NAALADL2: variants seen among roughly 807,000 people sequenced by gnomAD.
The protein encoded by NAALADL2 is inactive N-acetylated-alpha-linked acidic dipeptidase-like protein 2.
A neutral mutation model predicts 87.2 loss-of-function variants in NAALADL2; 76 were observed. The observed-to-expected ratio is 0.87, with a 90% CI of 0.72 to 1.05. NAALADL2 has a LOEUF of 1.05. Among genes scored for constraint, NAALADL2 ranks in the 50% least tolerant of loss-of-function variants. NAALADL2 has a pLI of 0.00. For missense variants in NAALADL2, 1,089 were observed against 945.8 expected (o/e 1.15, Z -1.99); for synonymous variants, 354 against 331.0 (o/e 1.07, Z -0.75).
chr3:174,608,975 G>T (rs1719454526), intron 2 of NAALADL2, among the ~76,000 whole-genome samples: 1 of 151,246 alleles, frequency 6.6e-6, no homozygotes, highest in Non-Finnish European at 1.5e-5. Context: ...ATGATCAAGT[G>T]GGCTTCATCC....
Position 175,199,860 on chromosome 3 carries a change from A to T in NAALADL2, c.546-34071A>T, listed in dbSNP as rs28566121. Reference sequence around the variant, plus strand: ...TATATATATATATATATATATATATATATATTTTTTTTTTTTTTTTTTTTT... The same window carrying T: ...TATATATATATATATATATATATATTTATATTTTTTTTTTTTTTTTTTTTT... On this transcript the variant is annotated intron_variant, in intron 2 of 13. Transcript: ENST00000454872. Among the ~76,000 whole-genome samples, 62 of 15,868 alleles carry T rather than the reference A, an allele frequency of 3.9e-3. 2 individuals carry two copies. The highest frequency in any genetic ancestry group is 6.1e-3 in the South Asian group (2 of 328). The allele number at this position is 15,868 out of a possible 152,430, so 10.4% of individuals were successfully genotyped here.
chr3:175,181,549 A>T (rs1428110687), intron 2 of NAALADL2, among the ~76,000 whole-genome samples: 1 of 151,428 alleles, frequency 6.6e-6, no homozygotes, highest in African/African-American at 2.4e-5. Flanking sequence ...TTTCACATGT[A>T]AGTGACAACA....
At chr3:175,732,113 T>C (rs1743848053) in intron 11 of NAALADL2, among the ~76,000 whole-genome samples, 1 of 152,102 alleles carries the variant, frequency 6.6e-6, no homozygotes, top group African/African-American at 2.4e-5. Context: ...GTAATCAGAG[T>C]AGGCAGTTTC....
At chr3:175,249,897 A>AGTG (rs1748701376) in intron 3 of NAALADL2, among the ~76,000 whole-genome samples, 1 of 152,110 alleles carries the variant, frequency 6.6e-6, no homozygotes, top group African/African-American at 2.4e-5. Context: ...TGCCGGGTGC[A>AGTG]GTGGCTCACG....
intron 9 of NAALADL2, among the ~76,000 whole-genome samples, chr3:175,540,238 A>G (rs6443309): frequency 1.3e-5 from 2 of 152,170 alleles, no homozygotes; most frequent in Non-Finnish European, 2.9e-5. Flanking sequence ...GTCATCAAGA[A>G]AGATCTTTCT....
chr3:175,006,132 A>G lies in NAALADL2; in HGVS notation c.44-90658A>G, dbSNP rs372081868. Among the ~76,000 whole-genome samples the G allele has an allele frequency of 4.9e-4, 75 of 152,202 alleles. 1 individual carries two copies. Among genetic ancestry groups the G allele is most frequent in the African/African-American group, 1.7e-3 (69 of 41,546 alleles). ...ACCTGGAATGCCTTTTCCCTTGACT[A>G]GGCCTGTTTGAGACCTTGAAGCTCT... On this transcript the variant is annotated intron_variant, in intron 1 of 13. Coordinates refer to ENST00000454872, the MANE Select transcript of NAALADL2 (RefSeq NM_207015.3).
rs1463210577 is a variant in NAALADL2 at position 175,806,712 on chromosome 3, T to TTTAA, written c.*3512_*3515dup. 4 of 141,806 alleles carry TTTAA rather than the reference T, an allele frequency of 2.8e-5. No individual in the cohort carries two copies. Among genetic ancestry groups the TTTAA allele is most frequent in the Non-Finnish European group, 6.1e-5 (4 of 65,796 alleles). 8.8% of individuals were successfully genotyped at this position (141,806 alleles called of 1,614,324 possible). ...ATCCTTTTTTTTTTTTTTTTTTTTT[T>TTTAA]TTAATTCCCACAACAACCCATTTCA... On this transcript the variant is annotated 3_prime_UTR_variant, in exon 14 of 14. Transcript: ENST00000454872.
chr3:175,160,000 C>CTT (rs58734561), intron 2 of NAALADL2, among the ~76,000 whole-genome samples: 2 of 134,120 alleles, frequency 1.5e-5, no homozygotes, highest in African/African-American at 5.3e-5. Context: ...CCACTCGTGA[C>CTT]TTTTTTTTTT....
chr3:175,488,962 G>A (rs1727685701), intron 9 of NAALADL2, among the ~76,000 whole-genome samples: 1 of 152,140 alleles, frequency 6.6e-6, no homozygotes, highest in African/African-American at 2.4e-5. Context: ...GGATTTCCCT[G>A]TGGATGGCAG....
chr3:174,955,782 A>C (rs368653637), intron 1 of NAALADL2, among the ~76,000 whole-genome samples: 15 of 152,216 alleles, frequency 9.9e-5, no homozygotes, highest in South Asian at 6.2e-4. Flanking sequence ...ACTTTTTAAA[A>C]GACAGATGAT....
chr3:174,720,753 A>G (rs947264127), intron 2 of NAALADL2, among the ~76,000 whole-genome samples: 2 of 152,292 alleles, frequency 1.3e-5, no homozygotes, highest in Admixed American at 6.5e-5. Flanking sequence ...TTTACAATCC[A>G]TTTAAAACAT....
intron 11 of NAALADL2, among the ~76,000 whole-genome samples, chr3:175,710,233 A>C (rs1412882845): frequency 6.6e-6 from 1 of 152,022 alleles, no homozygotes; most frequent in Non-Finnish European, 1.5e-5. Context: ...ACATGGAAAG[A>C]GCAGGAAAGT....
At chr3:175,159,887 G>T (rs1178883363) in intron 2 of NAALADL2, among the ~76,000 whole-genome samples, 2 of 150,598 alleles carry the variant, frequency 1.3e-5, no homozygotes, top group African/African-American at 4.9e-5. Flanking sequence ...CCCAGGCTGG[G>T]GTGCAGTGGC....
At chr3:174,651,556 A>C (rs1724365815) in intron 2 of NAALADL2, among the ~76,000 whole-genome samples, 1 of 152,210 alleles carries the variant, frequency 6.6e-6, no homozygotes, top group African/African-American at 2.4e-5. Context: ...AAAAACAATA[A>C]CTTAGGCTTT....
intron 10 of NAALADL2, among the ~76,000 whole-genome samples, chr3:175,596,661 T>C (rs1722283313): frequency 6.6e-6 from 1 of 151,952 alleles, no homozygotes; most frequent in South Asian, 2.1e-4. Context: ...ATTACTAATA[T>C]TATCAATTTG....
intron 9 of NAALADL2, among the ~76,000 whole-genome samples, chr3:175,472,592 AAG>A (rs141046847): frequency 0.029 from 4,351 of 152,272 alleles, 198 homozygotes; most frequent in African/African-American, 0.099. Context: ...GAACTAGACA[AAG>A]AGAGAGGCAA....
chr3:175,784,539 C>T (rs1201859057), intron 13 of NAALADL2, among the ~76,000 whole-genome samples: 270 of 138,980 alleles, frequency 1.9e-3, no homozygotes, highest in Admixed American at 4.4e-3. Context: ...TCTGTGGGAT[C>T]GGTGGTGATA....
At chr3:174,894,461 G>T (rs1444108525) in intron 1 of NAALADL2, among the ~76,000 whole-genome samples, 1 of 151,746 alleles carries the variant, frequency 6.6e-6, no homozygotes, top group East Asian at 1.9e-4. Context: ...GGGCGTGGTG[G>T]TGCACACCTG....
chr3:174,904,237 A>G (rs1732700889), intron 1 of NAALADL2, among the ~76,000 whole-genome samples: 1 of 151,768 alleles, frequency 6.6e-6, no homozygotes, highest in Non-Finnish European at 1.5e-5. Context: ...GGACTCAGTA[A>G]AGGTTTGTGT....
Sources: allele counts gnomAD v4.1 joint callset (sites outside exome capture counted in the v4.1 genomes callset), GRCh38; gene constraint gnomAD v4.1.1; transcripts MANE v1.5; gene names NCBI Gene and HGNC (gene_info 2026-07-23, HGNC 2026-07-21).